The following CLASP2 variants were observed in gnomAD, a reference collection of about 807,000 sequenced individuals.
CLASP2 encodes the protein cytoplasmic linker associated protein 2, also known as CLIP-associating protein 2.
Under a neutral mutation model 194.4 loss-of-function variants are expected in CLASP2, and 47 were observed. The observed-to-expected ratio is 0.24, with a 90% CI of 0.19 to 0.31. The LOEUF is 0.31. Ranked by LOEUF, CLASP2 falls within the 10% of genes least tolerant of loss-of-function variation. The pLI, the probability that CLASP2 is intolerant of heterozygous loss-of-function variation, is 1.00. For missense variants in CLASP2, 1,445 were observed against 1,823.6 expected, an observed-to-expected ratio of 0.79 and a Z score of 3.78; for synonymous variants, 619 against 633.5, an observed-to-expected ratio of 0.98 and a Z score of 0.34.
In CLASP2 at chr3:33,571,215, G is replaced by A. The variant is rs1465889367; in HGVS notation, c.2700-425C>T. Among the ~76,000 whole-genome samples, 7 of 144,394 alleles carry A rather than the reference G, an allele frequency of 4.8e-5. No homozygotes were observed. In the South Asian group the frequency reaches 9.6e-4, roughly 20 times the overall value. 94.7% of individuals were successfully genotyped at this position (144,394 alleles called of 152,430 possible). A position where few individuals can be genotyped will look rare whatever the true frequency, so the allele number is the denominator to read the frequency against. On this transcript the variant is annotated intron_variant, in intron 25 of 38. Coordinates refer to ENST00000682230, the MANE Select transcript of CLASP2 (RefSeq NM_001365631.1). ...TTTTTAGTAGAGACGGGGTTTCACC[G>A]TGTTAGCCAGGATGGTCTCGATCTC...
At chr3:33,673,067 A>G (rs375109915) in intron 6 of CLASP2, among the ~76,000 whole-genome samples, 1 of 152,194 alleles carries the variant, frequency 6.6e-6, no homozygotes, top group East Asian at 1.9e-4. Flanking sequence ...GCAGGCCAAC[A>G]TTCAGATTCA....
chr3:33,596,138 A>C (rs1461452010), intron 19 of CLASP2, among the ~76,000 whole-genome samples: 1 of 151,996 alleles, frequency 6.6e-6, no homozygotes. Flanking sequence ...AAAAAATATC[A>C]TACAGGGTTG....
At chr3:33,596,998 C>T (rs2070575665) in intron 18 of CLASP2, among the ~76,000 whole-genome samples, 1 of 152,122 alleles carries the variant, frequency 6.6e-6, no homozygotes, top group Non-Finnish European at 1.5e-5. Flanking sequence ...GTTAGTGAGG[C>T]CCATGTCCCA....
chr3:33,511,418 C>T (rs543632143), intron 36 of CLASP2, among the ~76,000 whole-genome samples: 9 of 152,234 alleles, frequency 5.9e-5, no homozygotes, highest in African/African-American at 2.2e-4. Flanking sequence ...TACAATGTGA[C>T]TGGAGTCCCC....
At chr3:33,714,584 G>A (rs74481008) in intron 1 of CLASP2, among the ~76,000 whole-genome samples, 3 of 152,014 alleles carry the variant, frequency 2.0e-5, no homozygotes, top group African/African-American at 7.3e-5. Context: ...AGCTCCTGTC[G>A]GATCTACCAC....
chr3:33,619,464 C>CT, intron 12 of CLASP2, 139 bp downstream of exon 12: 1 of 701,090 alleles, frequency 1.4e-6, no homozygotes, highest in Non-Finnish European at 2.2e-6. Flanking sequence ...AAATGATTTG[C>CT]TTTTGGGGTT....
At chr3:33,654,630 A>G (rs1559543242) in intron 7 of CLASP2, among the ~76,000 whole-genome samples, 1 of 152,106 alleles carries the variant, frequency 6.6e-6, no homozygotes, top group East Asian at 1.9e-4. Flanking sequence ...TCAGAAGTAA[A>G]AGAATCAAAT....
intron 21 of CLASP2, chr3:33,592,168 T>G (rs897406535): frequency 5.7e-6 from 4 of 702,770 alleles, no homozygotes; most frequent in Non-Finnish European, 1.0e-5. Context: ...CTCAAAAAAT[T>G]CCAAAACATG....
chr3:33,602,764 A>T, intron 18 of CLASP2, 188 bp downstream of exon 18: 2 of 698,980 alleles, frequency 2.9e-6, no homozygotes, highest in Non-Finnish European at 5.1e-6. Context: ...GATGATGAGA[A>T]CAAGGGAAAA....
intron 1 of CLASP2, among the ~76,000 whole-genome samples, chr3:33,698,508 C>T (rs1384120607): frequency 1.3e-5 from 2 of 152,124 alleles, no homozygotes; most frequent in Non-Finnish European, 2.9e-5. Flanking sequence ...AGCAGTCTAC[C>T]AGTGGGGAAG....
At chr3:33,704,175 C>T (rs1292357459) in intron 1 of CLASP2, among the ~76,000 whole-genome samples, 1 of 152,038 alleles carries the variant, frequency 6.6e-6, no homozygotes, top group African/African-American at 2.4e-5. Context: ...TTTATCAAAA[C>T]CTATAGCATG....
At chr3:33,539,421 G>T (rs943054863) in intron 32 of CLASP2, among the ~76,000 whole-genome samples, 28 of 151,784 alleles carry the variant, frequency 1.8e-4, no homozygotes, top group Admixed American at 2.0e-4. Context: ...TGCAACCTCT[G>T]CCTCCCGAGT....
At chr3:33,607,322 TC>T in intron 15 of CLASP2, 61 bp downstream of exon 15, 2 of 1,123,906 alleles carry the variant, frequency 1.8e-6, no homozygotes, top group Non-Finnish European at 2.5e-6. Flanking sequence ...ATTTTCATTC[TC>T]CTAATACATT....
chr3:33,660,690 C>T (rs2085161645), intron 7 of CLASP2, among the ~76,000 whole-genome samples: 1 of 152,114 alleles, frequency 6.6e-6, no homozygotes, highest in Non-Finnish European at 1.5e-5. Flanking sequence ...CATTTTTGGA[C>T]AGACCCAAAA....
At chr3:33,604,001 T>C (rs1447812208) in intron 17 of CLASP2, among the ~76,000 whole-genome samples, 153 bp downstream of exon 17, 1 of 152,200 alleles carries the variant, frequency 6.6e-6, no homozygotes, top group Admixed American at 6.5e-5. Flanking sequence ...ATTATATATG[T>C]ATACACGTAT....
At chr3:33,533,278 G>A (rs555941476) in intron 34 of CLASP2, among the ~76,000 whole-genome samples, 1 of 152,222 alleles carries the variant, frequency 6.6e-6, no homozygotes, top group East Asian at 1.9e-4. Flanking sequence ...AACTATTTGT[G>A]ACAGATTAAA....
Position 33,684,354 on chromosome 3 carries a change from C to T in CLASP2, c.644+5G>A, listed in dbSNP as rs2090320908. The T allele has an allele frequency of 6.5e-7, 1 of 1,539,230 alleles. No individual in the cohort carries two copies. ...AAAAAAAGAACCAAATTTAGCAAGACTTACCTAGCAGGGGGAATTCCTCTC... is the reference window on the plus strand; with the variant it reads ...AAAAAAAGAACCAAATTTAGCAAGATTTACCTAGCAGGGGGAATTCCTCTC... On this transcript the variant is annotated splice_donor_5th_base_variant and intron_variant, in intron 6 of 38. Coordinates refer to ENST00000682230, the MANE Select transcript of CLASP2 (RefSeq NM_001365631.1).
Position 33,521,261 on chromosome 3 carries a change from TGAAAA to T in CLASP2, c.3788-4092_3788-4088del, listed in dbSNP as rs149353986. On this transcript the variant is annotated intron_variant, in intron 34 of 38. Coordinates refer to ENST00000682230, the MANE Select transcript of CLASP2 (RefSeq NM_001365631.1). ...CCTAAATAAATGAATTCAAGTTTGA[TGAAAA>T]GAATATGTAACCTGTTTAAAAATAT... 4.1e-3 allele frequency among the ~76,000 whole-genome samples: 617 copies of T among 152,266 alleles called. 1 individual carries two copies. The highest frequency in any genetic ancestry group is 0.014 in the African/African-American group (571 of 41,560).
At chr3:33,598,717 A>G (rs1257663823) in intron 18 of CLASP2, among the ~76,000 whole-genome samples, 1 of 152,158 alleles carries the variant, frequency 6.6e-6, no homozygotes, top group African/African-American at 2.4e-5. Context: ...TCTCTTTCCA[A>G]CTTCTATATC....
Sources: allele counts gnomAD v4.1 joint callset (sites outside exome capture counted in the v4.1 genomes callset), GRCh38; gene constraint gnomAD v4.1.1; transcripts MANE v1.5; gene names NCBI Gene and HGNC (gene_info 2026-07-23, HGNC 2026-07-21).